FNDC4: variants seen among roughly 807,000 people sequenced by gnomAD.
FNDC4 encodes the protein fibronectin type III domain-containing protein 4.
In FNDC4, 11 loss-of-function variants were observed where a neutral mutation model predicts 25.1. The observed-to-expected ratio is 0.44, with a 90% CI of 0.28 to 0.73. The LOEUF (loss-of-function observed/expected upper bound fraction) is 0.73, where lower values mean the gene tolerates loss of function less well. Among genes scored for constraint, FNDC4 ranks in the 30% least tolerant of loss-of-function variants. The probability of loss-of-function intolerance (pLI) is 0.16; values close to 1 mark genes in which losing one functional copy is unlikely to be tolerated. For synonymous variants in FNDC4, 136 were observed against 118.8 expected (o/e 1.14, Z -0.94); for missense variants, 250 against 304.3 (o/e 0.82, Z 1.33).
chr2:27,494,121 G>A lies in FNDC4; in HGVS notation c.263C>T (p.Pro88Leu), dbSNP rs1173721483. The part of the protein sequence containing the change: ...YSISQQRQNG[P>L]GQRVIREVNT... Reference sequence around the variant, plus strand: ...CACCTCCCGAATCACACGCTGCCCGGGGCCATTCTGCCGCTGCAGGGAGAT... The same window carrying A: ...CACCTCCCGAATCACACGCTGCCCGAGGCCATTCTGCCGCTGCAGGGAGAT... The change falls in exon 4 of 7, where the codon CCC (proline) becomes CTC (leucine). Residue 88 changes from proline to leucine, a missense_variant. Physicochemically the swap from Pro to Leu is moderately conservative, Grantham distance 98. Transcript: ENST00000264703. This position sits in a 1 kb window ranked among gnomAD's most constrained non-coding sequence, Gnocchi z 4.6. 6.2e-7 allele frequency: 1 copy of A among 1,613,918 alleles called. No individual in the cohort carries two copies. The highest frequency in any genetic ancestry group is 2.2e-5 in the East Asian group (1 of 44,876).
Position 27,493,478 on chromosome 2 carries a change from C to G in FNDC4, c.455G>C (p.Gly152Ala), listed in dbSNP as rs1669307166. 6.2e-7 allele frequency: 1 copy of G among 1,612,390 alleles called. No individual in the cohort carries two copies. The highest frequency in any genetic ancestry group is 1.3e-5 in the African/African-American group (1 of 74,894). ...DRLPSNSSSP[G>A]DITVEGLDGE... Reference sequence around the variant, plus strand: ...ATCCAGACCTTCCACTGTGATGTCACCTGAGAAGGGAGAAGGCAGAAGGCA... The same window carrying G: ...ATCCAGACCTTCCACTGTGATGTCAGCTGAGAAGGGAGAAGGCAGAAGGCA... The change falls in exon 5 of 7, where the codon GGT (glycine) becomes GCT (alanine). Residue 152 changes from glycine (G) to alanine (A), a missense_variant and splice_region_variant. Physicochemically the swap from Gly to Ala is moderately conservative, Grantham distance 60. Coordinates refer to ENST00000264703, the MANE Select transcript of FNDC4 (RefSeq NM_022823.3).
At chr2:27,493,083 G>A (rs1374836039) in intron 5 of FNDC4, among the ~76,000 whole-genome samples, 4 of 141,546 alleles carry the variant, frequency 2.8e-5, no homozygotes, top group African/African-American at 8.0e-5. Context: ...ATCTCGGCTC[G>A]CTCACTGCAA....
chr2:27,494,662 GTGGCATCCGCT>G lies in FNDC4; in HGVS notation c.7_17del (p.Ser3GlnfsTer32), dbSNP rs771722837. Reference sequence around the variant, plus strand: ...CACGGAGTCCGCTGGGGGGGGAACTGTGGCATCCGCTTGGCATCCGCTTGACATCCAGGCGG... The same window carrying G: ...CACGGAGTCCGCTGGGGGGGGAACTGTGGCATCCGCTTGACATCCAGGCGG... On this transcript the variant is annotated frameshift_variant, in exon 2 of 7. Coordinates refer to ENST00000264703, the MANE Select transcript of FNDC4 (RefSeq NM_022823.3). LOFTEE classifies it high-confidence loss of function. The surrounding 1 kb of genome is among the most constrained non-coding windows in gnomAD (Gnocchi z 4.6). 1.9e-4 allele frequency: 292 copies of G among 1,566,264 alleles called. No homozygotes were observed. The highest frequency in any genetic ancestry group is 5.2e-4 in the Middle Eastern group (3 of 5,786).
Position 27,494,438 on chromosome 2 carries a change from C to A in FNDC4, c.162G>T (p.Thr54=). The A allele has an allele frequency of 1.2e-6, 2 of 1,614,120 alleles. No individual in the cohort carries two copies. Among genetic ancestry groups the A allele is most frequent in the South Asian group, 1.1e-5 (1 of 91,082 alleles). The change falls in exon 3 of 7, where the codon ACG becomes ACT. Residue 54 remains threonine, a synonymous_variant. Transcript: ENST00000264703. The surrounding 1 kb of genome is among the most constrained non-coding windows in gnomAD (Gnocchi z 4.6). The part of the protein sequence containing the change: ...ADRPPSPVNV[T]VTHLRANSAT... ...CCGAGTTGGCTCTGAGGTGAGTGAC[C>A]GTCACATTCACAGGAGAGGGAGGCC...
chr2:27,494,719 G>C lies in FNDC4; in HGVS notation c.-24-16C>G, dbSNP rs1558430430. On this transcript the variant is annotated splice_polypyrimidine_tract_variant and intron_variant, in intron 1 of 6. Coordinates refer to ENST00000264703, the MANE Select transcript of FNDC4 (RefSeq NM_022823.3). The surrounding 1 kb of genome is among the most constrained non-coding windows in gnomAD (Gnocchi z 4.6). ...GGCGGGGCTCCTGGAGATGGCAGGAGTTGTGGGGGGTCAAGGACTGCCCAG... is the reference window on the plus strand; with the variant it reads ...GGCGGGGCTCCTGGAGATGGCAGGACTTGTGGGGGGTCAAGGACTGCCCAG... 3 of 1,478,988 alleles carry C rather than the reference G, an allele frequency of 2.0e-6. No homozygotes were observed. The highest frequency in any genetic ancestry group is 9.0e-7 in the Non-Finnish European group (1 of 1,117,206). The allele number at this position is 1,478,988 out of a possible 1,614,324, so 91.6% of individuals were successfully genotyped here. A position where few individuals can be genotyped will look rare whatever the true frequency, so the allele number is the denominator to read the frequency against.
chr2:27,494,890 T>C lies in FNDC4; in HGVS notation c.-37A>G, dbSNP rs780089. On this transcript the variant is annotated 5_prime_UTR_variant, in exon 1 of 7. Coordinates refer to ENST00000264703, the MANE Select transcript of FNDC4 (RefSeq NM_022823.3). This position sits in a 1 kb window ranked among gnomAD's most constrained non-coding sequence, Gnocchi z 4.6. ...TGCCCACACCCACCTCCGCCGGTCC[T>C]CGCGGTTGGTCAGGCCTCGGGGGGC... The C allele has an allele frequency of 4.9e-3, 2,407 of 486,388 alleles. 40 individuals are homozygous for C. The highest frequency in any genetic ancestry group is 0.044 in the African/African-American group (2,198 of 50,008). The allele number at this position is 486,388 out of a possible 1,614,324, so 30.1% of individuals were successfully genotyped here.
chr2:27,492,335 T>C lies in FNDC4; in HGVS notation c.*108A>G, dbSNP rs1669276275. The C allele has an allele frequency of 7.5e-7, 1 of 1,333,278 alleles. No homozygotes were observed. Among genetic ancestry groups the C allele is most frequent in the Non-Finnish European group, 1.1e-6 (1 of 925,852 alleles). The allele number at this position is 1,333,278 out of a possible 1,614,324, so 82.6% of individuals were successfully genotyped here. ...GGTACCAGGCCTGAGATTGTGGGAG[T>C]GGCATTACCCTCTGGGAGTCTCGGG... On this transcript the variant is annotated 3_prime_UTR_variant, in exon 7 of 7. Transcript: ENST00000264703. This position sits in a 1 kb window ranked among gnomAD's most constrained non-coding sequence, Gnocchi z 4.1.
rs1290113063 is a variant in FNDC4 at position 27,493,910 on chromosome 2, C to A, written c.454+20G>T. On this transcript the variant is annotated intron_variant, in intron 4 of 6. Coordinates refer to ENST00000264703, the MANE Select transcript of FNDC4 (RefSeq NM_022823.3). ...CAAGCCAGGTAAGCAGCCAGAGAAT[C>A]CAATAGCACAGATCCTCACCTGGGC... The A allele has an allele frequency of 6.2e-6, 10 of 1,612,126 alleles. No individual in the cohort carries two copies. In the Admixed American group the frequency reaches 1.3e-4, roughly 22 times the overall value.
chr2:27,494,146 TGAGGGGAGAG>T lies in FNDC4; in HGVS notation c.250-22_250-13del. ...GGGCCATTCTGCCGCTGCAGGGAGA[TGAGGGGAGAG>T]GAGGACAGCCTCACCCCAGTGCCAG... On this transcript the variant is annotated splice_polypyrimidine_tract_variant and intron_variant, in intron 3 of 6. Coordinates refer to ENST00000264703, the MANE Select transcript of FNDC4 (RefSeq NM_022823.3). The surrounding 1 kb of genome is among the most constrained non-coding windows in gnomAD (Gnocchi z 4.6). 6.2e-7 allele frequency: 1 copy of T among 1,612,700 alleles called. No individual in the cohort carries two copies.
At position 27,494,496 on chromosome 2, in the gene FNDC4, C is replaced by T. The variant is rs1669334400; in HGVS notation, c.134-30G>A. 1 of 1,613,422 alleles carries T rather than the reference C, an allele frequency of 6.2e-7. No individual in the cohort carries two copies. The highest frequency in any genetic ancestry group is 8.5e-7 in the Non-Finnish European group (1 of 1,179,680). On this transcript the variant is annotated intron_variant, in intron 2 of 6. Coordinates refer to ENST00000264703, the MANE Select transcript of FNDC4 (RefSeq NM_022823.3). This position sits in a 1 kb window ranked among gnomAD's most constrained non-coding sequence, Gnocchi z 4.6. ...GGGAGCCAGGGTGTTTAACAGGTTT[C>T]ACCCATTGACTAGCTGTGGTTGACC... is the stretch of plus-strand genomic sequence containing the variant.
rs761084397 is a variant in FNDC4, at chr2:27,493,530, G to C, written c.455-52C>G. ...ACTCCAGGTTACTGGGGTCCATACTGCAGACATGCAGGATGGAGATGCTGG... is the reference window on the plus strand; with the variant it reads ...ACTCCAGGTTACTGGGGTCCATACTCCAGACATGCAGGATGGAGATGCTGG... On this transcript the variant is annotated intron_variant, in intron 4 of 6. Transcript: ENST00000264703. 24 of 1,319,596 alleles carry C rather than the reference G, an allele frequency of 1.8e-5. No individual in the cohort carries two copies. The South Asian group carries it at 2.5e-4, about 14-fold the overall frequency. 81.7% of individuals were successfully genotyped at this position (1,319,596 alleles called of 1,614,324 possible). A position where few individuals can be genotyped will look rare whatever the true frequency, so the allele number is the denominator to read the frequency against.
At chr2:27,493,133 C>T (rs1026768274) in intron 5 of FNDC4, among the ~76,000 whole-genome samples, 2 of 151,532 alleles carry the variant, frequency 1.3e-5, no homozygotes, top group Non-Finnish European at 2.9e-5. Flanking sequence ...CTGCCTCAGC[C>T]TCCTGAGTAG....
rs922383290 is a variant in FNDC4, at chr2:27,494,937, C to T, written c.-84G>A. ...GGGCTGCTCGGTGCCCAGAGGGCGG[C>T]CCATCGCCCGACTCGGTGGCGCTGC... is the stretch of plus-strand genomic sequence containing the variant. On this transcript the variant is annotated 5_prime_UTR_variant, in exon 1 of 7. Coordinates refer to ENST00000264703, the MANE Select transcript of FNDC4 (RefSeq NM_022823.3). This position sits in a 1 kb window ranked among gnomAD's most constrained non-coding sequence, Gnocchi z 4.6. 9.4e-5 allele frequency: 34 copies of T among 361,482 alleles called. 1 individual carries two copies. The highest frequency in any genetic ancestry group is 7.2e-4 in the Middle Eastern group (1 of 1,388). 22.4% of individuals were successfully genotyped at this position (361,482 alleles called of 1,614,324 possible). A position where few individuals can be genotyped will look rare whatever the true frequency, so the allele number is the denominator to read the frequency against.
chr2:27,494,164 G>T lies in FNDC4; in HGVS notation c.250-30C>A. ...AGGGAGATGAGGGGAGAGGAGGACAGCCTCACCCCAGTGCCAGGCCACAAG... is the reference window on the plus strand; with the variant it reads ...AGGGAGATGAGGGGAGAGGAGGACATCCTCACCCCAGTGCCAGGCCACAAG... On this transcript the variant is annotated intron_variant, in intron 3 of 6. Transcript: ENST00000264703. This position sits in a 1 kb window ranked among gnomAD's most constrained non-coding sequence, Gnocchi z 4.6. 6.3e-7 allele frequency: 1 copy of T among 1,592,394 alleles called. No individual in the cohort carries two copies.
chr2:27,493,588 C>A, intron 4 of FNDC4, 110 bp from the exon 5 acceptor site: 1 of 958,532 alleles, frequency 1.0e-6, no homozygotes, highest in South Asian at 1.4e-5. Context: ...CATAATGTTG[C>A]CCTTGGAGTG....
Position 27,492,525 on chromosome 2 carries a change from T to C in FNDC4, c.670-47A>G. Reference sequence around the variant, plus strand: ...GTCTCAACTTCAGGAAGGTAATAGGTGCCACCCTTTCTCTCCAGCCTCCCC... The same window carrying C: ...GTCTCAACTTCAGGAAGGTAATAGGCGCCACCCTTTCTCTCCAGCCTCCCC... On this transcript the variant is annotated intron_variant, in intron 6 of 6. Transcript: ENST00000264703. This position sits in a 1 kb window ranked among gnomAD's most constrained non-coding sequence, Gnocchi z 4.1. 1 of 1,596,688 alleles carries C rather than the reference T, an allele frequency of 6.3e-7. No homozygotes were observed. Among genetic ancestry groups the C allele is most frequent in the Non-Finnish European group, 8.6e-7 (1 of 1,164,276 alleles).
chr2:27,492,303 G>A lies in FNDC4; in HGVS notation c.*140C>T, dbSNP rs1461863524. ...CTTCTGGCTCTGCTCACAGTGGAAA[G>A]AGGATGGGTACCAGGCCTGAGATTG... On this transcript the variant is annotated 3_prime_UTR_variant, in exon 7 of 7. Coordinates refer to ENST00000264703, the MANE Select transcript of FNDC4 (RefSeq NM_022823.3). This position sits in a 1 kb window ranked among gnomAD's most constrained non-coding sequence, Gnocchi z 4.1. The A allele has an allele frequency of 5.0e-5, 52 of 1,037,796 alleles. No individual in the cohort carries two copies. Among genetic ancestry groups the A allele is most frequent in the Non-Finnish European group, 6.9e-5 (46 of 666,158 alleles). 64.3% of individuals were successfully genotyped at this position (1,037,796 alleles called of 1,614,324 possible). A position where few individuals can be genotyped will look rare whatever the true frequency, so the allele number is the denominator to read the frequency against.
At chr2:27,493,627 G>A (rs704795) in intron 4 of FNDC4, 149 bp from the exon 5 acceptor site, 285,484 of 727,048 alleles carry the variant, frequency 0.39, 60,546 homozygotes, top group African/African-American at 0.61. Context: ...GGAGGAAGCC[G>A]TTGGTGGACA....
In FNDC4 at chr2:27,493,431, C is replaced by T. The variant is rs757232291; in HGVS notation, c.502G>A (p.Gly168Arg). 6.2e-7 allele frequency: 1 copy of T among 1,614,046 alleles called. No individual in the cohort carries two copies. Among genetic ancestry groups the T allele is most frequent in the Non-Finnish European group, 8.5e-7 (1 of 1,179,920 alleles). Reference sequence around the variant, plus strand: ...ACCACCACAATGATGACCACTTCCCCAGTCTGCAGTGGCCGCTCTCCATCC... The same window carrying T: ...ACCACCACAATGATGACCACTTCCCTAGTCTGCAGTGGCCGCTCTCCATCC... Reference protein sequence around the residue: ...GLDGERPLQTGEVVIIVVVLL... With the variant: ...GLDGERPLQTREVVIIVVVLL... Residue 168 changes from glycine (G) to arginine (R), a missense_variant, in exon 5 of 7, where the codon GGG becomes AGG. Physicochemically the swap from Gly to Arg is moderately radical, Grantham distance 125. Coordinates refer to ENST00000264703, the MANE Select transcript of FNDC4 (RefSeq NM_022823.3).
Sources: gnomAD v4.1 joint callset for allele counts (sites outside exome capture counted in the v4.1 genomes callset) on GRCh38, gnomAD v4.1.1 for gene constraint, Gnocchi (gnomAD v3.1) non-coding constraint, MANE v1.5 for transcripts, NCBI Gene and HGNC (gene_info 2026-07-23, HGNC 2026-07-21) for gene names.